The following NXPE1 variants were observed in gnomAD, a reference collection of about 807,000 sequenced individuals.
NXPE1 encodes NXPE family member 1.
In NXPE1, 31 loss-of-function variants were observed where a neutral mutation model predicts 33.3. The observed-to-expected ratio is 0.93, with a 90% CI of 0.70 to 1.26. The LOEUF (loss-of-function observed/expected upper bound fraction) is 1.26, where lower values mean the gene tolerates loss of function less well. Among genes scored for constraint, NXPE1 ranks in the 50% most tolerant of loss-of-function variants. The pLI, the probability that NXPE1 is intolerant of heterozygous loss-of-function variation, is 0.00. For synonymous variants in NXPE1, 229 were observed against 231.4 expected (o/e 0.99, Z 0.09); for missense variants, 661 against 655.6 (o/e 1.01, Z -0.09).
chr11:114,524,313 T>C (rs988830312), intron 7 of NXPE1, among the ~76,000 whole-genome samples: 9 of 152,198 alleles, frequency 5.9e-5, no homozygotes, highest in Non-Finnish European at 1.5e-5. Context: ...CAGTGAGTAT[T>C]GGGGAACCAT....
chr11:114,550,661 G>T (rs1948448959), intron 5 of NXPE1, among the ~76,000 whole-genome samples: 1 of 151,948 alleles, frequency 6.6e-6, no homozygotes, highest in African/African-American at 2.4e-5. Context: ...TCTTTGAGCG[G>T]GAAAAACTTT....
intron 5 of NXPE1, among the ~76,000 whole-genome samples, chr11:114,532,100 G>T (rs1167975854): frequency 6.6e-6 from 1 of 152,058 alleles, no homozygotes; most frequent in Admixed American, 6.6e-5. Context: ...CACATATAAA[G>T]CTTTGAAAAA....
At position 114,554,423 on chromosome 11, in the gene NXPE1, A is replaced by G. The variant is rs571543639; in HGVS notation, c.-210-1543T>C. 15 of 977,986 alleles carry G rather than the reference A, an allele frequency of 1.5e-5. No individual in the cohort carries two copies. In the East Asian group the frequency reaches 1.7e-3, roughly 111 times the overall value. 60.6% of individuals were successfully genotyped at this position (977,986 alleles called of 1,614,324 possible). On this transcript the variant is annotated intron_variant, in intron 1 of 8. Coordinates refer to ENST00000534921, the Ensembl canonical transcript of NXPE1. ...ATTCCAGAACAGGGGGTTCTTAAACATTCTTTGTGACATGGGCCCTTTGAT... is the reference window on the plus strand; with the variant it reads ...ATTCCAGAACAGGGGGTTCTTAAACGTTCTTTGTGACATGGGCCCTTTGAT...
chr11:114,534,820 G>T (rs1367048081), intron 5 of NXPE1, among the ~76,000 whole-genome samples: 1 of 152,202 alleles, frequency 6.6e-6, no homozygotes, highest in Non-Finnish European at 1.5e-5. Flanking sequence ...GTACCTGAAA[G>T]TGACGGGGAG....
intron 5 of NXPE1, among the ~76,000 whole-genome samples, chr11:114,535,048 A>T (rs1005554948): frequency 6.6e-6 from 1 of 152,222 alleles, no homozygotes; most frequent in Non-Finnish European, 1.5e-5. Context: ...CGGGTTACCC[A>T]CAAAGGGAAG....
At chr11:114,545,750 G>A (rs551843054) in intron 5 of NXPE1, among the ~76,000 whole-genome samples, 18 of 151,060 alleles carry the variant, frequency 1.2e-4, no homozygotes, top group African/African-American at 2.2e-4. Flanking sequence ...GTGCAGTGGC[G>A]TGAACTCAGC....
At chr11:114,546,353 A>G (rs1948281704) in intron 5 of NXPE1, among the ~76,000 whole-genome samples, 1 of 152,196 alleles carries the variant, frequency 6.6e-6, no homozygotes, top group Non-Finnish European at 1.5e-5. Context: ...TAGATGAGAG[A>G]AATATCAGTA....
intron 1 of NXPE1, among the ~76,000 whole-genome samples, chr11:114,558,492 A>C (rs1377092603): frequency 6.6e-6 from 1 of 152,152 alleles, no homozygotes; most frequent in Non-Finnish European, 1.5e-5. Context: ...TAGATTGAGG[A>C]AGTTCTCTTT....
chr11:114,545,050 A>G (rs924148928), intron 5 of NXPE1, among the ~76,000 whole-genome samples: 1 of 152,220 alleles, frequency 6.6e-6, no homozygotes, highest in Non-Finnish European at 1.5e-5. Context: ...AATTTAAAAA[A>G]AAACCTGACA....
Position 114,530,170 on chromosome 11 carries a change from C to T in NXPE1, c.833+5G>A. On this transcript the variant is annotated splice_donor_5th_base_variant and intron_variant, in intron 6 of 8. Transcript: ENST00000534921. ...CTTCTCAGTATACATGAAAAGTATA[C>T]TCACCTGTGGAAAAGGCTGTTTTCC... 6.3e-7 allele frequency: 1 copy of T among 1,592,430 alleles called. No individual in the cohort carries two copies. Among genetic ancestry groups the T allele is most frequent in the Non-Finnish European group, 8.5e-7 (1 of 1,170,774 alleles).
chr11:114,532,354 G>A (rs1947615406), intron 5 of NXPE1, among the ~76,000 whole-genome samples: 1 of 151,638 alleles, frequency 6.6e-6, no homozygotes, highest in Non-Finnish European at 1.5e-5. Flanking sequence ...AGAACCTTTT[G>A]GTTCTCTGGA....
intron 1 of NXPE1, among the ~76,000 whole-genome samples, chr11:114,557,960 C>G (rs1948696981): frequency 1.3e-5 from 2 of 151,398 alleles, no homozygotes; most frequent in Admixed American, 1.3e-4. Flanking sequence ...AATATGTTAC[C>G]TCATTTTCCT....
chr11:114,557,128 A>G (rs1048705319), intron 1 of NXPE1, among the ~76,000 whole-genome samples: 1 of 152,118 alleles, frequency 6.6e-6, no homozygotes, highest in Non-Finnish European at 1.5e-5. Context: ...TCCTGACCTC[A>G]AGTAATCTGC....
At chr11:114,534,812 A>G (rs1457741450) in intron 5 of NXPE1, among the ~76,000 whole-genome samples, 3 of 152,224 alleles carry the variant, frequency 2.0e-5, no homozygotes, top group African/African-American at 4.8e-5. Context: ...TAATTGGTGT[A>G]CCTGAAAGTG....
intron 7 of NXPE1, among the ~76,000 whole-genome samples, chr11:114,524,225 C>G (rs1312965737): frequency 6.6e-6 from 1 of 152,058 alleles, no homozygotes; most frequent in Non-Finnish European, 1.5e-5. Flanking sequence ...AAAACTTAGT[C>G]ATGGCCACAA....
intron 6 of NXPE1, chr11:114,529,075 G>C (rs916442954): frequency 5.5e-6 from 2 of 365,608 alleles, no homozygotes; most frequent in African/African-American, 4.2e-5. Flanking sequence ...CCTACTCTTA[G>C]CATATTTTTT....
At chr11:114,558,120 T>C (rs1565321020) in intron 1 of NXPE1, among the ~76,000 whole-genome samples, 1 of 151,990 alleles carries the variant, frequency 6.6e-6, no homozygotes. Context: ...AAGGAGACTA[T>C]AAGCAAGTCT....
downstream of NXPE1, among the ~76,000 whole-genome samples, chr11:114,521,139 T>C (rs1947202032): frequency 1.3e-5 from 2 of 152,076 alleles, no homozygotes; most frequent in South Asian, 4.1e-4. Context: ...ATTTCCTTTA[T>C]CTATTAGGGT....
chr11:114,559,684 C>T (rs536238780), intron 1 of NXPE1, 114 bp downstream of exon 1: 2 of 152,198 alleles, frequency 1.3e-5, no homozygotes, highest in African/African-American at 4.8e-5. Flanking sequence ...TGAGAGAACC[C>T]CTCAGCAGAC....
Sources: allele counts gnomAD v4.1 joint callset (sites outside exome capture counted in the v4.1 genomes callset), GRCh38; gene constraint gnomAD v4.1.1; transcripts MANE v1.5; gene names NCBI Gene and HGNC (gene_info 2026-07-23, HGNC 2026-07-21).